Variants in OR1J2 observed in about 807,000 individuals in gnomAD.
OR1J2 encodes the protein olfactory receptor 1J2.
For synonymous variants in OR1J2, 142 were observed against 99.7 expected (o/e 1.42, Z -2.52); for missense variants, 304 against 246.1 (o/e 1.24, Z -1.57).
At chr9:122,477,702 A>C in the OR1J2 span, 7 of 1,614,212 alleles carry the variant, frequency 4.3e-6, no homozygotes, top group Non-Finnish European at 5.9e-6. Flanking sequence ...GGACAGTGAC[A>C]GATGAAAAGG....
chr9:122,450,387 C>T, the OR1J2 span, among the ~76,000 whole-genome samples: 2 of 152,092 alleles, frequency 1.3e-5, no homozygotes, highest in African/African-American at 4.8e-5. Context: ...GCCAAGATTG[C>T]ACTTCTGCAC....
chr9:122,483,287 CAGA>C, the OR1J2 span, among the ~76,000 whole-genome samples: 1 of 151,982 alleles, frequency 6.6e-6, no homozygotes, highest in African/African-American at 2.4e-5. Context: ...CACAATTCTC[CAGA>C]AGGAAAAAGG....
chr9:122,550,020 C>T, the OR1J2 span, among the ~76,000 whole-genome samples: 1 of 151,890 alleles, frequency 6.6e-6, no homozygotes, highest in African/African-American at 2.4e-5. Context: ...TTATTCGTGT[C>T]ATCTAAAATT....
the OR1J2 span, among the ~76,000 whole-genome samples, chr9:122,562,684 G>A: frequency 1.2e-4 from 19 of 152,300 alleles, no homozygotes; most frequent in East Asian, 1.4e-3. Flanking sequence ...TACCTTGGTT[G>A]CCGTTGCAGG....
the OR1J2 span, among the ~76,000 whole-genome samples, chr9:122,537,607 T>C: frequency 6.6e-5 from 10 of 152,200 alleles, no homozygotes; most frequent in African/African-American, 9.6e-5. Context: ...AGGAACTGCA[T>C]CAAATCTGTA....
chr9:122,552,579 TACG>T, the OR1J2 span, among the ~76,000 whole-genome samples: 1 of 151,604 alleles, frequency 6.6e-6, no homozygotes, highest in African/African-American at 2.4e-5. Flanking sequence ...GATGGGGGAG[TACG>T]ACACCAGACA....
chr9:122,532,473 G>A, the OR1J2 span, among the ~76,000 whole-genome samples: 29,982 of 151,390 alleles, frequency 0.2, 3,658 homozygotes, highest in African/African-American at 0.34. Flanking sequence ...TCAGAGAGAT[G>A]CAGTCATGAG....
At chr9:122,477,939 T>C in the OR1J2 span, 1 of 1,561,694 alleles carries the variant, frequency 6.4e-7, no homozygotes, top group Non-Finnish European at 8.7e-7. Flanking sequence ...TTATATCAGC[T>C]GGAGGGCACT....
chr9:122,533,889 G>C, the OR1J2 span, among the ~76,000 whole-genome samples: 1 of 152,132 alleles, frequency 6.6e-6, no homozygotes, highest in Non-Finnish European at 1.5e-5. Flanking sequence ...ATCAGGCAGC[G>C]TCAGTGTTCA....
the OR1J2 span, among the ~76,000 whole-genome samples, chr9:122,550,558 TG>T: frequency 3.0e-5 from 4 of 135,110 alleles, no homozygotes; most frequent in African/African-American, 1.2e-4. Flanking sequence ...CATGATCAAG[TG>T]GGTTTTTTTT....
chr9:122,510,009 G>A (rs550818130), upstream of OR1J2, among the ~76,000 whole-genome samples: 110 of 152,254 alleles, frequency 7.2e-4, no homozygotes, highest in African/African-American at 2.5e-3. Context: ...GGTGCGGGAG[G>A]AAGAGCATCA....
At chr9:122,519,622 T>C in the OR1J2 span, 22 of 1,614,114 alleles carry the variant, frequency 1.4e-5, no homozygotes, top group East Asian at 4.9e-4. Context: ...TCTCACACTC[T>C]CCTCCTGGCC....
chr9:122,481,585 A>G, the OR1J2 span, among the ~76,000 whole-genome samples: 1 of 152,234 alleles, frequency 6.6e-6, no homozygotes, highest in Non-Finnish European at 1.5e-5. Context: ...CCGAATGGCC[A>G]ATAAACATAT....
the OR1J2 span, among the ~76,000 whole-genome samples, chr9:122,449,500 G>A: frequency 8.2e-4 from 125 of 152,224 alleles, no homozygotes; most frequent in Non-Finnish European, 1.1e-3. Flanking sequence ...CTCCCGAGTA[G>A]CTGGGACTAC....
chr9:122,574,180 C>T, the OR1J2 span, among the ~76,000 whole-genome samples: 1 of 152,066 alleles, frequency 6.6e-6, no homozygotes. Flanking sequence ...ATTGACTTGG[C>T]TACTCTGGGT....
At chr9:122,454,026 G>A in the OR1J2 span, among the ~76,000 whole-genome samples, 1,109 of 152,288 alleles carry the variant, frequency 7.3e-3, 10 homozygotes, top group Non-Finnish European at 9.0e-3. Context: ...GCTTAGGCAG[G>A]TCATCAAAGA....
At chr9:122,487,488 CACA>C in the OR1J2 span, among the ~76,000 whole-genome samples, 1 of 151,916 alleles carries the variant, frequency 6.6e-6, no homozygotes, top group Non-Finnish European at 1.5e-5. Flanking sequence ...CACACACACA[CACA>C]AACTGCTTAA....
chr9:122,546,863 C>T, the OR1J2 span, among the ~76,000 whole-genome samples: 6 of 152,134 alleles, frequency 3.9e-5, no homozygotes, highest in African/African-American at 1.4e-4. Context: ...TCGGGGGGTA[C>T]ATAGTGATGT....
the OR1J2 span, chr9:122,567,931 T>C: frequency 6.2e-7 from 1 of 1,614,102 alleles, no homozygotes; most frequent in Non-Finnish European, 8.5e-7. Context: ...AGCACAGGGC[T>C]GAGGTCACAG....
Sources: allele counts gnomAD v4.1 joint callset (sites outside exome capture counted in the v4.1 genomes callset), GRCh38; gene constraint gnomAD v4.1.1; transcripts MANE v1.5; gene names NCBI Gene and HGNC (gene_info 2026-07-23, HGNC 2026-07-21).